Variants in TLR5 observed in about 807,000 individuals in gnomAD.
The protein encoded by TLR5 is toll-like receptor 5.
For synonymous variants in TLR5, 373 were observed against 384.4 expected (o/e 0.97, Z 0.35); for missense variants, 944 against 999.8 (o/e 0.94, Z 0.75).
chr1:223,129,951 T>A (rs1435414930), intron 5 of TLR5, among the ~76,000 whole-genome samples: 1 of 152,176 alleles, frequency 6.6e-6, no homozygotes, highest in Non-Finnish European at 1.5e-5. Context: ...CCTCTCTAGG[T>A]CTTTATGATT....
rs1656398337 is a variant in TLR5, at chr1:223,112,403, C to G, written c.629G>C (p.Ser210Thr). 1.2e-6 allele frequency: 2 copies of G among 1,614,118 alleles called. No homozygotes were observed. The highest frequency in any genetic ancestry group is 1.7e-5 in the Admixed American group (1 of 60,002). Reference protein sequence around the residue: ...FFSLAANSLYSRVSVDWGKCM... With the variant: ...FFSLAANSLYTRVSVDWGKCM... ...TTTTCCCCAGTCCACTGAGACTCTGCTATACAAGCTATTAGCTGCGAGGCT... is the reference window on the plus strand; with the variant it reads ...TTTTCCCCAGTCCACTGAGACTCTGGTATACAAGCTATTAGCTGCGAGGCT... The change falls in exon 6 of 6, where the codon AGC becomes ACC. Residue 210 changes from serine to threonine, a missense_variant. Transcript: ENST00000642603.
intron 3 of TLR5, among the ~76,000 whole-genome samples, chr1:223,135,758 G>A (rs1424749983): frequency 2.6e-5 from 4 of 152,086 alleles, no homozygotes; most frequent in East Asian, 1.9e-4. Context: ...CTGTTACACC[G>A]GATCTTGAAG....
At chr1:223,137,073 T>TC (rs1657643527) in intron 3 of TLR5, 105 bp downstream of exon 3, 1 of 152,384 alleles carries the variant, frequency 6.6e-6, no homozygotes, top group South Asian at 2.1e-4. Context: ...TGTGCCCGCC[T>TC]CAGCATCCCA....
In TLR5 at chr1:223,112,927, G is replaced by A. The variant is rs1656441560; in HGVS notation, c.105C>T (p.Phe35=). 1 of 1,614,086 alleles carries A rather than the reference G, an allele frequency of 6.2e-7. No homozygotes were observed. The highest frequency in any genetic ancestry group is 8.5e-7 in the Non-Finnish European group (1 of 1,180,050). Residue 35 remains phenylalanine (F), a synonymous_variant, in exon 6 of 6, where the codon TTC becomes TTT. Transcript: ENST00000642603. ...CCTGGGGGACCTGGGTGAGGTTGCA[G>A]AAACGATAAAAGGCTATTCGGCCAT... is the stretch of plus-strand genomic sequence containing the variant. ...SFDGRIAFYR[F]CNLTQVPQVL...
intron 5 of TLR5, 70 bp from the exon 6 acceptor site, chr1:223,113,105 C>T: frequency 6.9e-7 from 1 of 1,455,650 alleles, no homozygotes; most frequent in South Asian, 1.2e-5. Flanking sequence ...GTCTTCAGAT[C>T]TTGGGGGTAT....
At chr1:223,124,833 ACCTCAGGTGATCCACCTG>A (rs1311639174) in intron 5 of TLR5, among the ~76,000 whole-genome samples, 1 of 151,904 alleles carries the variant, frequency 6.6e-6, no homozygotes, top group Admixed American at 6.6e-5. Flanking sequence ...CGATCTTCTG[ACCTCAGGTGATCCACCTG>A]CCTCAGCCTT....
At chr1:223,115,438 T>C (rs1656579198) in intron 5 of TLR5, among the ~76,000 whole-genome samples, 1 of 152,132 alleles carries the variant, frequency 6.6e-6, no homozygotes, top group Non-Finnish European at 1.5e-5. Flanking sequence ...TTAGTAGAGA[T>C]GGGGTTTCAC....
At chr1:223,130,235 C>A (rs1657345797) in intron 5 of TLR5, among the ~76,000 whole-genome samples, 2 of 152,172 alleles carry the variant, frequency 1.3e-5, no homozygotes, top group Admixed American at 6.5e-5. Flanking sequence ...CCTACTAAAC[C>A]TCTTCTAGAA....
chr1:223,130,613 C>T (rs1467847342), intron 5 of TLR5, among the ~76,000 whole-genome samples: 1 of 152,210 alleles, frequency 6.6e-6, no homozygotes, highest in Non-Finnish European at 1.5e-5. Context: ...CATCACTTCT[C>T]TCCTGCCAGG....
chr1:223,111,051 T>G lies in TLR5; in HGVS notation c.1981A>C (p.Thr661Pro), dbSNP rs1284556979. The change falls in exon 6 of 6, where the codon ACA becomes CCA. Residue 661 changes from threonine (T) to proline (P), a missense_variant. Transcript: ENST00000642603. ...ATAAAACAGAAGCCCCGGAACTTTGTGACTGTGAGGATGGTCATGAGGAAC... is the reference window on the plus strand; with the variant it reads ...ATAAAACAGAAGCCCCGGAACTTTGGGACTGTGAGGATGGTCATGAGGAAC... ...TLFLMTILTV[T>P]KFRGFCFICY... 1 of 1,614,206 alleles carries G rather than the reference T, an allele frequency of 6.2e-7. No homozygotes were observed. Among genetic ancestry groups the G allele is most frequent in the Admixed American group, 1.7e-5 (1 of 60,020 alleles).
intron 5 of TLR5, among the ~76,000 whole-genome samples, chr1:223,130,991 C>T (rs746629920): frequency 1.3e-5 from 2 of 152,136 alleles, no homozygotes; most frequent in Non-Finnish European, 2.9e-5. Flanking sequence ...CTCCAGCATC[C>T]ATTCCCCTTC....
Position 223,110,753 on chromosome 1 carries a change from CT to C in TLR5, c.2278del (p.Arg760AspfsTer41). 6.2e-7 allele frequency: 1 copy of C among 1,614,226 alleles called. No homozygotes were observed. The highest frequency in any genetic ancestry group is 2.2e-5 in the East Asian group (1 of 44,892). ...GCACCAGCCATCTCTAAGGAAGTGT[CT>C]GCTCACAAGACAAACGATCTTTCTA... Reference protein sequence around the residue: ...NSRKIVCLVSRHFLRDGWCLE... With the variant: ...NSRKIVCLVSXHFLRDGWCLE... On this transcript the variant is annotated frameshift_variant, in exon 6 of 6. Coordinates refer to ENST00000642603, the MANE Select transcript of TLR5 (RefSeq NM_003268.6). LOFTEE classifies it low-confidence loss of function (END_TRUNC).
rs1657395437 is a variant in TLR5 at position 223,131,552 on chromosome 1, T to G, written c.-5+923A>C. Among the ~76,000 whole-genome samples the G allele has an allele frequency of 6.6e-6, 1 of 152,200 alleles. No individual in the cohort carries two copies. Among genetic ancestry groups the G allele is most frequent in the Non-Finnish European group, 1.5e-5 (1 of 68,038 alleles). On this transcript the variant is annotated intron_variant, in intron 5 of 5. Coordinates refer to ENST00000642603, the MANE Select transcript of TLR5 (RefSeq NM_003268.6). This position sits in a 1 kb window ranked among gnomAD's most constrained non-coding sequence, Gnocchi z 4.2. ...TACATGCACTTCTCACACTTCTATG[T>G]GCACTAGTTTGTTTTTGTTTTTTTG... is the stretch of plus-strand genomic sequence containing the variant.
chr1:223,121,693 CT>C (rs1162075337), intron 5 of TLR5, among the ~76,000 whole-genome samples: 4 of 152,082 alleles, frequency 2.6e-5, no homozygotes, highest in Non-Finnish European at 4.4e-5. Flanking sequence ...AATTTTTGTA[CT>C]TTTTTTGTAG....
intron 5 of TLR5, among the ~76,000 whole-genome samples, chr1:223,117,331 C>CA (rs1356143961): frequency 6.6e-6 from 1 of 151,962 alleles, no homozygotes; most frequent in Non-Finnish European, 1.5e-5. Flanking sequence ...CCACACCTCC[C>CA]AGCAAGCAGA....
rs1449393325 is a variant in TLR5 at position 223,110,785 on chromosome 1, C to T, written c.2247G>A (p.Trp749Ter). The T allele has an allele frequency of 5.0e-6, 8 of 1,614,178 alleles. No homozygotes were observed. Among genetic ancestry groups the T allele is most frequent in the Non-Finnish European group, 5.9e-6 (7 of 1,180,020 alleles). ...NRIANIQDAI[W>*]NSRKIVCLVS... is the part of the protein sequence containing the mutation. Reference sequence around the variant, plus strand: ...CAAGACAAACGATCTTTCTACTGTTCCAGATGGCATCCTGGATATTGGCAA... The same window carrying T: ...CAAGACAAACGATCTTTCTACTGTTTCAGATGGCATCCTGGATATTGGCAA... The change falls in exon 6 of 6, where the codon TGG becomes TGA. Residue 749 changes from tryptophan to a stop codon, truncating the protein, a stop_gained. Transcript: ENST00000642603. LOFTEE classifies it low-confidence loss of function (END_TRUNC).
intron 5 of TLR5, among the ~76,000 whole-genome samples, chr1:223,120,427 G>A (rs1395518421): frequency 1.3e-5 from 2 of 152,072 alleles, no homozygotes; most frequent in East Asian, 1.9e-4. Context: ...CCTACCTTTC[G>A]GACAAACCAA....
At chr1:223,114,188 T>A (rs1656510595) in intron 5 of TLR5, among the ~76,000 whole-genome samples, 1 of 152,160 alleles carries the variant, frequency 6.6e-6, no homozygotes. Context: ...GAGCTAACCA[T>A]CTGTCTGGGT....
rs1354611664 is a variant in TLR5, at chr1:223,124,394, A to C, written c.-5+8081T>G. Reference sequence around the variant, plus strand: ...GGAGGCAAAGGTTGTAGTGAGCCAAAATCATGCCACTGCACTCCAGCCTGG... The same window carrying C: ...GGAGGCAAAGGTTGTAGTGAGCCAACATCATGCCACTGCACTCCAGCCTGG... On this transcript the variant is annotated intron_variant, in intron 5 of 5. Coordinates refer to ENST00000642603, the MANE Select transcript of TLR5 (RefSeq NM_003268.6). Among the ~76,000 whole-genome samples the C allele has an allele frequency of 2.6e-5, 4 of 151,688 alleles. No individual in the cohort carries two copies. In the East Asian group the frequency reaches 7.7e-4, roughly 29 times the overall value.
Sources: gnomAD v4.1 joint callset for allele counts (sites outside exome capture counted in the v4.1 genomes callset) on GRCh38, gnomAD v4.1.1 for gene constraint, Gnocchi (gnomAD v3.1) non-coding constraint, MANE v1.5 for transcripts, NCBI Gene and HGNC (gene_info 2026-07-23, HGNC 2026-07-21) for gene names.